The following OR51A7 variants were observed in gnomAD, a reference collection of about 807,000 sequenced individuals.
OR51A7 encodes the protein olfactory receptor family 51 subfamily A member 7, also known as olfactory receptor 51A7.
For missense variants in OR51A7, 409 were observed against 374.5 expected, an observed-to-expected ratio of 1.09 and a Z score of -0.76; for synonymous variants, 143 against 135.5, an observed-to-expected ratio of 1.05 and a Z score of -0.38.
rs764179807 is a variant in OR51A7, at chr11:4,908,052, C to T, written c.683C>T (p.Ala228Val). The T allele has an allele frequency of 2.5e-6, 4 of 1,614,166 alleles. No homozygotes were observed. The highest frequency in any genetic ancestry group is 3.4e-6 in the Non-Finnish European group (4 of 1,179,992). Residue 228 changes from alanine to valine, a missense_variant, in exon 2 of 2, where the codon GCA becomes GTA. Physicochemically the swap from Ala to Val is moderately conservative, Grantham distance 64. Coordinates refer to ENST00000641490, the MANE Select transcript of OR51A7 (RefSeq NM_001004749.2). ...VLILKTILSI[A>V]SLAERLKALN... ...ATCTTGAAGACTATACTCAGCATTG[C>T]ATCTTTGGCAGAGAGGCTTAAGGCC...
rs1263543290 is a variant in OR51A7 at position 4,908,370 on chromosome 11, G to A, written c.*62G>A. The stretch of plus-strand genomic sequence containing the variant: ...AGGCATTTACTGTCATTTGCTATGT[G>A]CTTAATGCCATAGAAGTCACTAATG... On this transcript the variant is annotated 3_prime_UTR_variant, in exon 2 of 2. Transcript: ENST00000641490. The A allele has an allele frequency of 7.3e-7, 1 of 1,365,686 alleles. No homozygotes were observed. Among genetic ancestry groups the A allele is most frequent in the Non-Finnish European group, 1.0e-6 (1 of 960,110 alleles). The allele number at this position is 1,365,686 out of a possible 1,614,324, so 84.6% of individuals were successfully genotyped here.
rs1254213766 is a variant in OR51A7, at chr11:4,903,852, A to T, written c.-32+8A>T. 6.6e-6 allele frequency: 1 copy of T among 152,108 alleles called. No individual in the cohort carries two copies. The highest frequency in any genetic ancestry group is 2.4e-5 in the African/African-American group (1 of 41,446). 9.4% of individuals were successfully genotyped at this position (152,108 alleles called of 1,614,324 possible). A position where few individuals can be genotyped will look rare whatever the true frequency, so the allele number is the denominator to read the frequency against. ...TGGAAACCTAAATCTAAGGTTTGTT[A>T]AACTGCTTATATCTGAATACATGTC... is the stretch of plus-strand genomic sequence containing the variant. On this transcript the variant is annotated splice_region_variant and intron_variant, in intron 1 of 1. Coordinates refer to ENST00000641490, the MANE Select transcript of OR51A7 (RefSeq NM_001004749.2).
chr11:4,907,217 G>C (rs976474879), intron 1 of OR51A7, 122 bp from the exon 2 acceptor site: 3 of 545,384 alleles, frequency 5.5e-6, no homozygotes, highest in Non-Finnish European at 9.8e-6. Context: ...GGTAAATTTT[G>C]AAGAGTGCAG....
chr11:4,906,411 T>C (rs1850889414), intron 1 of OR51A7, among the ~76,000 whole-genome samples: 1 of 152,200 alleles, frequency 6.6e-6, no homozygotes, highest in African/African-American at 2.4e-5. Context: ...GTTAAATAAT[T>C]TAAAATCAAA....
chr11:4,906,362 T>C (rs1423344916), intron 1 of OR51A7, among the ~76,000 whole-genome samples: 3 of 152,192 alleles, frequency 2.0e-5, no homozygotes, highest in African/African-American at 7.2e-5. Context: ...CCTACCAAGA[T>C]TGTATTCATT....
chr11:4,903,894 A>G (rs1304097943), intron 1 of OR51A7, 50 bp downstream of exon 1: 2 of 152,088 alleles, frequency 1.3e-5, no homozygotes, highest in Non-Finnish European at 2.9e-5. Flanking sequence ...GAGGAAGAGT[A>G]AGTGGTTTCA....
In OR51A7 at chr11:4,907,266, G is replaced by T; in HGVS notation, c.-31-73G>T. ...AAATATGCCTTTGAGTATAGTATAC[G>T]AATGAACCCCTTATCCTCACAAAAC... On this transcript the variant is annotated intron_variant, in intron 1 of 1. Coordinates refer to ENST00000641490, the MANE Select transcript of OR51A7 (RefSeq NM_001004749.2). 7.2e-6 allele frequency: 5 copies of T among 698,684 alleles called. No individual in the cohort carries two copies. The South Asian group carries it at 7.3e-5, about 10-fold the overall frequency. 43.3% of individuals were successfully genotyped at this position (698,684 alleles called of 1,614,324 possible). A position where few individuals can be genotyped will look rare whatever the true frequency, so the allele number is the denominator to read the frequency against.
In OR51A7 at chr11:4,907,876, T is replaced by G; in HGVS notation, c.507T>G (p.Cys169Trp). 1 of 1,614,000 alleles carries G rather than the reference T, an allele frequency of 6.2e-7. No individual in the cohort carries two copies. Among genetic ancestry groups the G allele is most frequent in the Non-Finnish European group, 8.5e-7 (1 of 1,180,006 alleles). ...TCACCTTAAGGAGATTAAAATATTG[T>G]CAAAAGAATCTTCTTTCTCACTCAT... is the stretch of plus-strand genomic sequence containing the variant. ...FPFTLRRLKY[C>W]QKNLLSHSYC... is the part of the protein sequence containing the mutation. The change falls in exon 2 of 2, where the codon TGT becomes TGG. Residue 169 changes from cysteine to tryptophan, a missense_variant. Transcript: ENST00000641490.
chr11:4,906,532 G>A (rs1275992757), intron 1 of OR51A7, among the ~76,000 whole-genome samples: 1 of 151,348 alleles, frequency 6.6e-6, no homozygotes, highest in African/African-American at 2.4e-5. Flanking sequence ...TACCTCATAA[G>A]TATAAGAGGT....
At chr11:4,907,115 A>AAAAAAAAAAAAAAAAAAAC (rs1554890101) in intron 1 of OR51A7, among the ~76,000 whole-genome samples, 1 of 144,816 alleles carries the variant, frequency 6.9e-6, no homozygotes, top group Non-Finnish European at 1.5e-5. Flanking sequence ...AAAAAAAAAA[A>AAAAAAAAAAAAAAAAAAAC]TCCTAAAAAT....
chr11:4,906,659 G>T (rs1850894292), intron 1 of OR51A7, among the ~76,000 whole-genome samples: 1 of 152,104 alleles, frequency 6.6e-6, no homozygotes, highest in Non-Finnish European at 1.5e-5. Context: ...TCTACATAAA[G>T]CTCAGAGATT....
intron 1 of OR51A7, among the ~76,000 whole-genome samples, chr11:4,906,892 C>G (rs1033684725): frequency 1.3e-5 from 2 of 151,868 alleles, no homozygotes; most frequent in African/African-American, 4.8e-5. Context: ...GAGTTCAAGA[C>G]CAGCCTGGCC....
intron 1 of OR51A7, among the ~76,000 whole-genome samples, chr11:4,906,675 T>G (rs1437028033): frequency 6.6e-6 from 1 of 152,236 alleles, no homozygotes. Flanking sequence ...AGATTTTATT[T>G]TAAAGCCAAC....
Position 4,908,447 on chromosome 11 carries a change from A to G in OR51A7, c.*139A>G. On this transcript the variant is annotated 3_prime_UTR_variant, in exon 2 of 2. Coordinates refer to ENST00000641490, the MANE Select transcript of OR51A7 (RefSeq NM_001004749.2). ...CTATGTAGTGCAGAATTTATAATAA[A>G]GTTGAGAATATAACTGAACAGGATA... 1.3e-6 allele frequency: 1 copy of G among 750,140 alleles called. No individual in the cohort carries two copies. The highest frequency in any genetic ancestry group is 1.5e-5 in the South Asian group (1 of 66,102). The allele number at this position is 750,140 out of a possible 1,614,324, so 46.5% of individuals were successfully genotyped here.
chr11:4,908,402 T>C lies in OR51A7; in HGVS notation c.*94T>C. On this transcript the variant is annotated 3_prime_UTR_variant, in exon 2 of 2. Coordinates refer to ENST00000641490, the MANE Select transcript of OR51A7 (RefSeq NM_001004749.2). ...GCCATAGAAGTCACTAATGAAGGAC[T>C]GGATGATGGAAGTGAAAAGCTATGT... 2 of 1,042,400 alleles carry C rather than the reference T, an allele frequency of 1.9e-6. No individual in the cohort carries two copies. Among genetic ancestry groups the C allele is most frequent in the South Asian group, 1.3e-5 (1 of 76,738 alleles). 64.6% of individuals were successfully genotyped at this position (1,042,400 alleles called of 1,614,324 possible).
chr11:4,905,717 G>A (rs10500628), intron 1 of OR51A7, among the ~76,000 whole-genome samples: 21,493 of 151,902 alleles, frequency 0.14, 2,082 homozygotes, highest in East Asian at 0.56. Flanking sequence ...AAATATAGGC[G>A]GAATTTATAA....
Position 4,905,832 on chromosome 11 carries a change from C to T in OR51A7, c.-31-1507C>T, listed in dbSNP as rs553125106. On this transcript the variant is annotated intron_variant, in intron 1 of 1. Coordinates refer to ENST00000641490, the MANE Select transcript of OR51A7 (RefSeq NM_001004749.2). ...ATAAGTTGCAAGATTGCATATTTTA[C>T]TTCTGAAAGTAAACTTGTATGCTTT... Among the ~76,000 whole-genome samples the T allele has an allele frequency of 7.2e-5, 11 of 152,150 alleles. No individual in the cohort carries two copies. The East Asian group carries it at 1.9e-3, about 27-fold the overall frequency.
chr11:4,908,137 C>T lies in OR51A7; in HGVS notation c.768C>T (p.Thr256=), dbSNP rs759236458. The change falls in exon 2 of 2, where the codon ACC becomes ACT. Residue 256 remains threonine, a synonymous_variant. Transcript: ENST00000641490. ...AVLTFYVPII[T]LAAMHHFAKH... ...TCACCTTCTATGTGCCCATCATCAC[C>T]CTGGCTGCCATGCATCACTTTGCCA... 5.6e-6 allele frequency: 9 copies of T among 1,614,184 alleles called. No individual in the cohort carries two copies. Among genetic ancestry groups the T allele is most frequent in the African/African-American group, 2.7e-5 (2 of 75,064 alleles).
At chr11:4,906,682 C>T (rs1330074269) in intron 1 of OR51A7, among the ~76,000 whole-genome samples, 1 of 152,102 alleles carries the variant, frequency 6.6e-6, no homozygotes, top group Non-Finnish European at 1.5e-5. Flanking sequence ...ATTTTAAAGC[C>T]AACGTGGGTA....
Sources: gnomAD v4.1 joint callset for allele counts (sites outside exome capture counted in the v4.1 genomes callset) on GRCh38, gnomAD v4.1.1 for gene constraint, MANE v1.5 for transcripts, NCBI Gene and HGNC (gene_info 2026-07-23, HGNC 2026-07-21) for gene names.